ATM: variants seen among roughly 807,000 people sequenced by gnomAD.
ATM encodes ATM serine/threonine kinase, also known as serine-protein kinase ATM.
In ATM, 308 loss-of-function variants were observed where a neutral mutation model predicts 387.0. That is an observed-to-expected ratio of 0.80 (90% CI 0.73 to 0.87). The LOEUF (loss-of-function observed/expected upper bound fraction) is 0.87. ATM is among the 40% of genes least tolerant of loss of function. The probability of loss-of-function intolerance (pLI) is 0.00; values close to 1 mark genes in which losing one functional copy is unlikely to be tolerated. For synonymous variants in ATM, 1,156 were observed against 1,187.3 expected (o/e 0.97, Z 0.54); for missense variants, 3,312 against 3,560.9 (o/e 0.93, Z 1.78).
At chr11:108,309,841 T>A (rs1396593732) in intron 38 of ATM, among the ~76,000 whole-genome samples, 1 of 152,154 alleles carries the variant, frequency 6.6e-6, no homozygotes, top group East Asian at 1.9e-4. Flanking sequence ...GTGTATCCTA[T>A]TCTTAGTCTG....
chr11:108,351,906 G>A (rs1469204855), intron 59 of ATM, among the ~76,000 whole-genome samples: 1 of 152,016 alleles, frequency 6.6e-6, no homozygotes, highest in Non-Finnish European at 1.5e-5. Flanking sequence ...CTTGGTGTCA[G>A]TGGACATATC....
intron 47 of ATM, among the ~76,000 whole-genome samples, chr11:108,326,818 A>ATTATTTAT (rs962174545): frequency 1.3e-5 from 2 of 151,876 alleles, no homozygotes; most frequent in Non-Finnish European, 2.9e-5. Flanking sequence ...ACTGTGCTTT[A>ATTATTTAT]TTATTTATTT....
intron 61 of ATM, among the ~76,000 whole-genome samples, chr11:108,363,752 ATTT>A (rs768990123): frequency 1.3e-5 from 2 of 152,090 alleles, no homozygotes; most frequent in Non-Finnish European, 2.9e-5. Context: ...CTGAAACATA[ATTT>A]TTTACTTATT....
intron 59 of ATM, among the ~76,000 whole-genome samples, chr11:108,348,639 G>A (rs2088792871): frequency 6.6e-6 from 1 of 151,678 alleles, no homozygotes; most frequent in Admixed American, 6.6e-5. Context: ...TAATCACTAG[G>A]TGATAATTTT....
At chr11:108,317,678 ATATAT>A (rs1278052424) in intron 43 of ATM, among the ~76,000 whole-genome samples, 157 bp downstream of exon 43, 23 of 139,632 alleles carry the variant, frequency 1.6e-4, no homozygotes, top group Admixed American at 4.3e-4. Context: ...CACACACTAT[ATATAT>A]ATACATACCA....
chr11:108,309,396 G>A (rs2083955556), intron 38 of ATM, among the ~76,000 whole-genome samples: 1 of 152,150 alleles, frequency 6.6e-6, no homozygotes, highest in East Asian at 1.9e-4. Context: ...AGCTTTGCAG[G>A]CATTATTTAA....
rs759289039 is a variant in ATM at position 108,295,011 on chromosome 11, C to T, written c.4861C>T (p.Leu1621=). The T allele has an allele frequency of 6.2e-7, 1 of 1,613,994 alleles. No homozygotes were observed. ...AGGACTAAAGGATCTTCGAAGACAA[C>T]TGGAACTACATAAAGATCAGATGGT... ...LEGLKDLRRQ[L]ELHKDQMVDI... The change falls in exon 32 of 63, where the codon CTG becomes TTG. Residue 1621 remains leucine (L), a synonymous_variant. Coordinates refer to ENST00000675843, the MANE Select transcript of ATM (RefSeq NM_000051.4).
Position 108,333,950 on chromosome 11 carries a change from C to T in ATM, c.7992C>T (p.Val2664=), listed in dbSNP as rs1591184637. The change falls in exon 54 of 63, where the codon GTC becomes GTT. Residue 2664 remains valine, a synonymous_variant. Coordinates refer to ENST00000675843, the MANE Select transcript of ATM (RefSeq NM_000051.4). ...TTAAGAATTTAGAAGATGTTGTTGT[C>T]CCTACTATGGAAATTAAGGTAATTT... ...TKLKNLEDVV[V]PTMEIKVDHT... 6.2e-7 allele frequency: 1 copy of T among 1,610,338 alleles called. No individual in the cohort carries two copies. The highest frequency in any genetic ancestry group is 1.3e-5 in the African/African-American group (1 of 74,902).
At position 108,284,395 on chromosome 11, in the gene ATM, C is replaced by A. The variant is rs1429663437; in HGVS notation, c.3915C>A (p.Asp1305Glu). 1 of 1,613,914 alleles carries A rather than the reference C, an allele frequency of 6.2e-7. No homozygotes were observed. The highest frequency in any genetic ancestry group is 2.2e-5 in the East Asian group (1 of 44,832). ...ATTTTGCCTATGAGGGTACCAGAGA[C>A]AGTGGGATGGCACAGCAAAGAGAGA... ...LPYFAYEGTR[D>E]SGMAQQRETA... Residue 1305 changes from aspartate to glutamate, a missense_variant, in exon 26 of 63, where the codon GAC (aspartate) becomes GAA (glutamate). Physicochemically the swap from Asp to Glu is conservative, Grantham distance 45 (BLOSUM62 2). Coordinates refer to ENST00000675843, the MANE Select transcript of ATM (RefSeq NM_000051.4).
intron 23 of ATM, among the ~76,000 whole-genome samples, chr11:108,280,365 T>G (rs970235681): frequency 6.6e-6 from 1 of 152,190 alleles, no homozygotes; most frequent in Admixed American, 6.5e-5. Context: ...ATAGTATGAA[T>G]CAACATTGTA....
At chr11:108,270,945 C>T in intron 18 of ATM, 119 bp from the exon 19 acceptor site, 6 of 801,062 alleles carry the variant, frequency 7.5e-6, no homozygotes, top group South Asian at 5.8e-5. Flanking sequence ...CTGCCTGCTT[C>T]AGCCTCCCAA....
chr11:108,357,230 T>C (rs1339260551), intron 61 of ATM, among the ~76,000 whole-genome samples: 1 of 152,102 alleles, frequency 6.6e-6, no homozygotes, highest in Non-Finnish European at 1.5e-5. Flanking sequence ...TATTGCGCTT[T>C]TTGGACCGGC....
Position 108,284,327 on chromosome 11 carries a change from C to CT in ATM, c.3848dup (p.Thr1284AsnfsTer18). The CT allele has an allele frequency of 1.2e-6, 2 of 1,613,992 alleles. No individual in the cohort carries two copies. Among genetic ancestry groups the CT allele is most frequent in the Non-Finnish European group, 1.7e-6 (2 of 1,179,946 alleles). On this transcript the variant is annotated frameshift_variant, in exon 26 of 63. Coordinates refer to ENST00000675843, the MANE Select transcript of ATM (RefSeq NM_000051.4). LOFTEE classifies it high-confidence loss of function. ...GATTCAAGAGGACTGGAAAAGTCTT[C>CT]TAACAGACTGCTTTCCAAAGATTCT...
chr11:108,292,250 G>A (rs2082834931), intron 29 of ATM, among the ~76,000 whole-genome samples: 1 of 152,174 alleles, frequency 6.6e-6, no homozygotes, highest in African/African-American at 2.4e-5. Flanking sequence ...TGCCACGCTG[G>A]GGTAGGGGTG....
intron 26 of ATM, among the ~76,000 whole-genome samples, chr11:108,285,835 T>A (rs2082461734): frequency 6.6e-6 from 1 of 152,164 alleles, no homozygotes; most frequent in African/African-American, 2.4e-5. Flanking sequence ...TCCCATTCAA[T>A]CTCCCAGCTT....
intron 47 of ATM, among the ~76,000 whole-genome samples, chr11:108,326,642 C>A (rs1193319566): frequency 6.6e-6 from 1 of 152,166 alleles, no homozygotes; most frequent in Non-Finnish European, 1.5e-5. Flanking sequence ...GAAAATATCA[C>A]ATCTAATATT....
At chr11:108,232,714 A>G (rs774571945) in intron 4 of ATM, among the ~76,000 whole-genome samples, 7 of 150,918 alleles carry the variant, frequency 4.6e-5, no homozygotes, top group Non-Finnish European at 8.9e-5. Context: ...TAATTTTTGT[A>G]TTTTTAGTAG....
chr11:108,304,523 G>GT (rs921888791), intron 36 of ATM, 152 bp from the exon 37 acceptor site: 14 of 809,204 alleles, frequency 1.7e-5, no homozygotes, highest in East Asian at 2.7e-5. Flanking sequence ...TTTTTTGTTT[G>GT]TTTTTTTAGC....
intron 22 of ATM, among the ~76,000 whole-genome samples, chr11:108,277,837 G>A (rs1371493753): frequency 6.6e-6 from 1 of 152,114 alleles, no homozygotes; most frequent in Non-Finnish European, 1.5e-5. Context: ...CCATCTTGCT[G>A]TTCCCTTGTT....
Sources: allele counts gnomAD v4.1 joint callset (sites outside exome capture counted in the v4.1 genomes callset), GRCh38; gene constraint gnomAD v4.1.1; transcripts MANE v1.5; gene names NCBI Gene and HGNC (gene_info 2026-07-23, HGNC 2026-07-21).